The following CCDC186 variants were observed in gnomAD, a reference collection of about 807,000 sequenced individuals.
CCDC186 encodes coiled-coil domain containing 186.
Under a neutral mutation model 113.7 loss-of-function variants are expected in CCDC186, and 49 were observed. The observed-to-expected ratio is 0.43, with a 90% CI of 0.34 to 0.55. CCDC186 has a LOEUF of 0.55. CCDC186 is among the 20% of genes least tolerant of loss of function. The probability of loss-of-function intolerance (pLI) is 0.02; values close to 1 mark genes in which losing one functional copy is unlikely to be tolerated. For missense variants in CCDC186, 890 were observed against 1,011.1 expected, an observed-to-expected ratio of 0.88 and a Z score of 1.62; for synonymous variants, 355 against 345.8, an observed-to-expected ratio of 1.03 and a Z score of -0.30.
chr10:114,145,709 T>G lies in CCDC186; in HGVS notation c.941A>C (p.Lys314Thr). The G allele has an allele frequency of 6.2e-7, 1 of 1,607,022 alleles. No homozygotes were observed. Among genetic ancestry groups the G allele is most frequent in the Admixed American group, 1.7e-5 (1 of 58,360 alleles). Residue 314 changes from lysine (K) to threonine (T), a missense_variant, in exon 5 of 16, where the codon AAA becomes ACA. Physicochemically the swap from Lys to Thr is moderately conservative, Grantham distance 78 (BLOSUM62 -1). Transcript: ENST00000369287. ...AGATTCCTTCTCACCTCTTACATATTTCATTACCATTGCTTCTTTTTCTTG... is the reference window on the plus strand; with the variant it reads ...AGATTCCTTCTCACCTCTTACATATGTCATTACCATTGCTTCTTTTTCTTG... The part of the protein sequence containing the change: ...ARQEKEAMVM[K>T]YVRGEKESLD...
chr10:114,149,636 G>GGA (rs2031764239), intron 4 of CCDC186, among the ~76,000 whole-genome samples: 1 of 806 alleles, frequency 1.2e-3, no homozygotes. Context: ...AGGGAGGGGA[G>GGA]GGGAGGGAAT....
rs2031580988 is a variant in CCDC186 at position 114,144,633 on chromosome 10, AG to A, written c.1102-18del. 1 of 1,589,754 alleles carries A rather than the reference AG, an allele frequency of 6.3e-7. No homozygotes were observed. Among genetic ancestry groups the A allele is most frequent in the East Asian group, 2.2e-5 (1 of 44,598 alleles). On this transcript the variant is annotated intron_variant, in intron 5 of 15. Transcript: ENST00000369287. ...TTCGCCTTCCTAAAATAATATCACT[AG>A]GTCATATATTTTCATTTATAGAATC...
rs2032617346 is a variant in CCDC186 at position 114,173,950 on chromosome 10, T to G, written c.-62+65A>C. 6.6e-6 allele frequency: 3 copies of G among 457,084 alleles called. No individual in the cohort carries two copies. The East Asian group carries it at 2.1e-4, about 33-fold the overall frequency. 28.3% of individuals were successfully genotyped at this position (457,084 alleles called of 1,614,324 possible). A position where few individuals can be genotyped will look rare whatever the true frequency, so the allele number is the denominator to read the frequency against. On this transcript the variant is annotated intron_variant, in intron 1 of 15. Coordinates refer to ENST00000369287, the MANE Select transcript of CCDC186 (RefSeq NM_018017.4). The stretch of plus-strand genomic sequence containing the variant: ...GAACGTGCAGGAAGGAGCGGAAGGC[T>G]GGCAGCCCCACCGCACCGCCACCGC...
rs765232250 is a variant in CCDC186 at position 114,136,262 on chromosome 10, C to A, written c.1327-16G>T. The A allele has an allele frequency of 6.3e-7, 1 of 1,583,696 alleles. No homozygotes were observed. Among genetic ancestry groups the A allele is most frequent in the Admixed American group, 1.7e-5 (1 of 57,900 alleles). On this transcript the variant is annotated splice_polypyrimidine_tract_variant and intron_variant, in intron 7 of 15. Coordinates refer to ENST00000369287, the MANE Select transcript of CCDC186 (RefSeq NM_018017.4). ...CTTCTGACTCCTAGTGGAAAGAAAA[C>A]AAAAAAAGTGTGACAATTTTTAACC... is the stretch of plus-strand genomic sequence containing the variant.
At position 114,123,206 on chromosome 10, in the gene CCDC186, C is replaced by T. The variant is rs976910218; in HGVS notation, c.*1937G>A. 2.6e-5 allele frequency: 4 copies of T among 152,654 alleles called. No homozygotes were observed. The highest frequency in any genetic ancestry group is 4.4e-5 in the Non-Finnish European group (3 of 67,972). 9.5% of individuals were successfully genotyped at this position (152,654 alleles called of 1,614,324 possible). On this transcript the variant is annotated 3_prime_UTR_variant, in exon 16 of 16. Transcript: ENST00000369287. ...GTAAAATAATTCAGATTTGATTGCA[C>T]TTTCCCTCTTATTTTGATAAATTAT...
chr10:114,173,715 T>A (rs2032597232), intron 1 of CCDC186, among the ~76,000 whole-genome samples: 1 of 152,202 alleles, frequency 6.6e-6, no homozygotes, highest in Non-Finnish European at 1.5e-5. Context: ...GGGCTCGAAT[T>A]CAGACGCTCT....
At chr10:114,144,350 T>G in intron 6 of CCDC186, 147 bp downstream of exon 6, 1 of 928,776 alleles carries the variant, frequency 1.1e-6, no homozygotes, top group Non-Finnish European at 1.5e-6. Context: ...AAACTAAGCT[T>G]CATGCCTCAT....
chr10:114,133,104 GA>G (rs781211186), intron 10 of CCDC186, among the ~76,000 whole-genome samples: 1 of 152,178 alleles, frequency 6.6e-6, no homozygotes, highest in East Asian at 1.9e-4. Flanking sequence ...CCATAGTGTG[GA>G]AAACAGATTA....
intron 3 of CCDC186, among the ~76,000 whole-genome samples, chr10:114,155,986 C>CAAA (rs1554929351): frequency 1.3e-5 from 2 of 151,862 alleles, no homozygotes; most frequent in Non-Finnish European, 2.9e-5. Context: ...ACAACAACAA[C>CAAA]AAAAAAAGCC....
chr10:114,146,475 C>T (rs926101927), intron 4 of CCDC186, among the ~76,000 whole-genome samples: 1 of 152,162 alleles, frequency 6.6e-6, no homozygotes, highest in Non-Finnish European at 1.5e-5. Context: ...ATTAAGTAGC[C>T]ATATGCTAAC....
chr10:114,161,993 A>C (rs182818256), intron 2 of CCDC186: 2 of 152,206 alleles, frequency 1.3e-5, no homozygotes, highest in Admixed American at 1.3e-4. Context: ...TCAGCAACAG[A>C]AAGTAGAATG....
In CCDC186 at chr10:114,121,667, A is replaced by T. The variant is rs2030728186; in HGVS notation, c.*3476T>A. 6.6e-6 allele frequency: 1 copy of T among 152,202 alleles called. No homozygotes were observed. The highest frequency in any genetic ancestry group is 6.5e-5 in the Admixed American group (1 of 15,270). The allele number at this position is 152,202 out of a possible 1,614,324, so 9.4% of individuals were successfully genotyped here. Reference sequence around the variant, plus strand: ...TTGCTTTCAGCGTACCTTTGCAAGGATGTTCCAAAGCCTCATGTACGAGTG... The same window carrying T: ...TTGCTTTCAGCGTACCTTTGCAAGGTTGTTCCAAAGCCTCATGTACGAGTG... On this transcript the variant is annotated 3_prime_UTR_variant, in exon 16 of 16. Coordinates refer to ENST00000369287, the MANE Select transcript of CCDC186 (RefSeq NM_018017.4).
intron 1 of CCDC186, among the ~76,000 whole-genome samples, chr10:114,171,057 C>A (rs71484927): frequency 0.084 from 12,746 of 152,146 alleles, 646 homozygotes; most frequent in Middle Eastern, 0.15. Context: ...CTTTAAAATA[C>A]TAAAGCAGAA....
chr10:114,134,872 AGCTT>A, intron 10 of CCDC186, 37 bp downstream of exon 10: 2 of 1,554,256 alleles, frequency 1.3e-6, no homozygotes, highest in South Asian at 2.5e-5. Flanking sequence ...AAAATTTAAA[AGCTT>A]GCTTATTAAT....
At chr10:114,159,848 G>A (rs1200545510) in intron 2 of CCDC186, among the ~76,000 whole-genome samples, 1 of 152,068 alleles carries the variant, frequency 6.6e-6, no homozygotes, top group Non-Finnish European at 1.5e-5. Context: ...TGTTGTCCAA[G>A]CTACTTGGGA....
rs1044428217 is a variant in CCDC186, at chr10:114,123,694, G to A, written c.*1449C>T. The A allele has an allele frequency of 6.6e-6, 1 of 152,124 alleles. No homozygotes were observed. Among genetic ancestry groups the A allele is most frequent in the Non-Finnish European group, 1.5e-5 (1 of 68,024 alleles). 9.4% of individuals were successfully genotyped at this position (152,124 alleles called of 1,614,324 possible). On this transcript the variant is annotated 3_prime_UTR_variant, in exon 16 of 16. Coordinates refer to ENST00000369287, the MANE Select transcript of CCDC186 (RefSeq NM_018017.4). ...GAAATTGTAAGTGAGAAATAATAAG[G>A]GGTGAGAAAAAATTCAATGACAGAA...
chr10:114,161,637 C>T (rs138608492), intron 2 of CCDC186: 1 of 152,160 alleles, frequency 6.6e-6, no homozygotes, highest in East Asian at 1.9e-4. Flanking sequence ...AGTTTATTCA[C>T]ATAATATAGT....
At chr10:114,141,840 G>A (rs1478538939) in intron 6 of CCDC186, among the ~76,000 whole-genome samples, 1 of 152,076 alleles carries the variant, frequency 6.6e-6, no homozygotes, top group Non-Finnish European at 1.5e-5. Flanking sequence ...TCTGCAGACT[G>A]GAACTCTCCA....
At position 114,157,559 on chromosome 10, in the gene CCDC186, T is replaced by C; in HGVS notation, c.754A>G (p.Lys252Glu). 6.2e-7 allele frequency: 1 copy of C among 1,600,474 alleles called. No homozygotes were observed. Among genetic ancestry groups the C allele is most frequent in the Non-Finnish European group, 8.5e-7 (1 of 1,176,536 alleles). Residue 252 changes from lysine to glutamate, a missense_variant, in exon 3 of 16, where the codon AAA (lysine) becomes GAA (glutamate). Lys to Glu is a moderately conservative substitution (Grantham distance 56). Coordinates refer to ENST00000369287, the MANE Select transcript of CCDC186 (RefSeq NM_018017.4). ...AAGATTTTTGTCTTTTTTACCTGTT[T>C]AATTGTGTTCATATGCTGCTTCTCA... ...ETEKQHMNTI[K>E]QLESRIEELN...
Sources: allele counts gnomAD v4.1 joint callset (sites outside exome capture counted in the v4.1 genomes callset), GRCh38; gene constraint gnomAD v4.1.1; transcripts MANE v1.5; gene names NCBI Gene and HGNC (gene_info 2026-07-23, HGNC 2026-07-21).